The following PYGO1 variants were observed in gnomAD, a reference collection of about 807,000 sequenced individuals.
PYGO1 encodes pygopus homolog 1.
Under a neutral mutation model 29.5 loss-of-function variants are expected in PYGO1, and 6 were observed. The ratio of observed to expected loss-of-function variants is 0.20; its 90% CI spans 0.11 to 0.40. The LOEUF (loss-of-function observed/expected upper bound fraction) is 0.40. PYGO1 is among the 10% of genes least tolerant of loss of function. The probability of loss-of-function intolerance (pLI) is 1.00; values close to 1 mark genes in which losing one functional copy is unlikely to be tolerated. For missense variants in PYGO1, 515 were observed against 514.9 expected (o/e 1.00, Z 0.00); for synonymous variants, 186 against 180.5 (o/e 1.03, Z -0.24).
chr15:55,569,578 T>C (rs190780973), intron 1 of PYGO1, among the ~76,000 whole-genome samples: 1 of 152,236 alleles, frequency 6.6e-6, no homozygotes, highest in East Asian at 1.9e-4. Flanking sequence ...CAAGAGCAAG[T>C]TGTTTAACTT....
rs1052905917 is a variant in PYGO1, at chr15:55,546,271, C to T, written c.1012G>A (p.Asp338Asn). The change falls in exon 3 of 3, where the codon GAC becomes AAC. Residue 338 changes from aspartate to asparagine, a missense_variant. Asp to Asn is a conservative substitution (Grantham distance 23). Transcript: ENST00000563719. ...HPNRHGHSSS[D>N]PVYPCGICTN... ...CAAATTCCACAAGGATACACTGGGT[C>T]AGAAGACGAATGGCCATGACGGTTT... 1 of 1,614,068 alleles carries T rather than the reference C, an allele frequency of 6.2e-7. No homozygotes were observed. Among genetic ancestry groups the T allele is most frequent in the Non-Finnish European group, 8.5e-7 (1 of 1,180,044 alleles).
chr15:55,565,120 G>C (rs139140642), intron 1 of PYGO1, among the ~76,000 whole-genome samples: 1 of 152,088 alleles, frequency 6.6e-6, no homozygotes, highest in Non-Finnish European at 1.5e-5. Flanking sequence ...GTTCAGGTCC[G>C]CCCAGTTAAT....
intron 1 of PYGO1, among the ~76,000 whole-genome samples, chr15:55,552,756 GCA>G (rs1261144618): frequency 6.6e-6 from 1 of 152,112 alleles, no homozygotes. Context: ...AGCCACTCAG[GCA>G]CACACAGAGA....
chr15:55,562,327 C>T (rs1275278621), intron 1 of PYGO1, among the ~76,000 whole-genome samples: 1 of 152,152 alleles, frequency 6.6e-6, no homozygotes, highest in Non-Finnish European at 1.5e-5. Flanking sequence ...ACCCAGCAAT[C>T]CCTTTCCTGG....
At chr15:55,555,927 A>G (rs2058902841) in intron 1 of PYGO1, among the ~76,000 whole-genome samples, 1 of 152,128 alleles carries the variant, frequency 6.6e-6, no homozygotes, top group Admixed American at 6.6e-5. Flanking sequence ...ACGTAACGGT[A>G]AAAAGTTCAA....
At chr15:55,549,078 C>A in intron 1 of PYGO1, 83 bp from the exon 2 acceptor site, 1 of 1,023,942 alleles carries the variant, frequency 9.8e-7, no homozygotes, top group South Asian at 1.8e-5. Context: ...ATTATATTTA[C>A]CTGTTAATGT....
intron 1 of PYGO1, among the ~76,000 whole-genome samples, chr15:55,555,822 A>T (rs2036954846): frequency 6.6e-6 from 1 of 152,180 alleles, no homozygotes. Flanking sequence ...TCAAAATAAA[A>T]GGAGGGAGGA....
intron 1 of PYGO1, among the ~76,000 whole-genome samples, chr15:55,574,566 C>T (rs1271613573): frequency 6.6e-6 from 1 of 151,904 alleles, no homozygotes; most frequent in African/African-American, 2.4e-5. Context: ...CTATAGGGTT[C>T]ATCTGTTGAG....
Position 55,545,944 on chromosome 15 carries a change from A to G in PYGO1, c.*79T>C. ...TTTTGTGTATGCATTTAAAAAAATA[A>G]TGTAAAACATTAAAATCCTGTGTCA... On this transcript the variant is annotated 3_prime_UTR_variant, in exon 3 of 3. Transcript: ENST00000563719. 3 of 1,409,256 alleles carry G rather than the reference A, an allele frequency of 2.1e-6. No homozygotes were observed. The highest frequency in any genetic ancestry group is 1.4e-5 in the African/African-American group (1 of 69,430). 87.3% of individuals were successfully genotyped at this position (1,409,256 alleles called of 1,614,324 possible). A position where few individuals can be genotyped will look rare whatever the true frequency, so the allele number is the denominator to read the frequency against.
Position 55,588,125 on chromosome 15 carries a change from C to T in PYGO1, c.-242G>A, listed in dbSNP as rs2059057697. ...ACCGGCGGGGCTCAGCGGCGGTGGC[C>T]GGGAGCGCGGCCTGGGGGCGGCCCC... is the stretch of plus-strand genomic sequence containing the variant. On this transcript the variant is annotated 5_prime_UTR_variant, in exon 1 of 3. Coordinates refer to ENST00000563719, the MANE Select transcript of PYGO1 (RefSeq NM_001367806.1). 1.5e-5 allele frequency: 12 copies of T among 797,346 alleles called. No homozygotes were observed. Among genetic ancestry groups the T allele is most frequent in the Non-Finnish European group, 1.8e-5 (12 of 660,862 alleles). The allele number at this position is 797,346 out of a possible 1,614,324, so 49.4% of individuals were successfully genotyped here.
intron 1 of PYGO1, among the ~76,000 whole-genome samples, chr15:55,571,004 T>C (rs922466222): frequency 1.3e-5 from 2 of 152,284 alleles, no homozygotes; most frequent in Non-Finnish European, 1.5e-5. Context: ...ACTATATCCA[T>C]CAAGCAACAA....
At chr15:55,588,484 G>A (rs1439960741), upstream of PYGO1, among the ~76,000 whole-genome samples, 2 of 146,778 alleles carry the variant, frequency 1.4e-5, no homozygotes, top group Non-Finnish European at 3.0e-5. Flanking sequence ...CCGCTGCCTC[G>A]TCCCGCGGCG....
At chr15:55,572,763 C>T (rs1185866674) in intron 1 of PYGO1, among the ~76,000 whole-genome samples, 1 of 151,886 alleles carries the variant, frequency 6.6e-6, no homozygotes, top group Non-Finnish European at 1.5e-5. Context: ...ATAAAAATGG[C>T]CAACAGGTAC....
At chr15:55,585,404 A>G (rs2059042417) in intron 1 of PYGO1, among the ~76,000 whole-genome samples, 1 of 152,206 alleles carries the variant, frequency 6.6e-6, no homozygotes, top group African/African-American at 2.4e-5. Flanking sequence ...GATGATATAA[A>G]TTACATTAAA....
intron 1 of PYGO1, among the ~76,000 whole-genome samples, chr15:55,585,257 G>T (rs2059041754): frequency 6.6e-6 from 1 of 152,112 alleles, no homozygotes; most frequent in Non-Finnish European, 1.5e-5. Context: ...GGTATTTGGT[G>T]ACTCTTTTAA....
At chr15:55,553,049 G>A (rs963039702) in intron 1 of PYGO1, among the ~76,000 whole-genome samples, 1 of 152,188 alleles carries the variant, frequency 6.6e-6, no homozygotes, top group Non-Finnish European at 1.5e-5. Flanking sequence ...AGCTGTTCTA[G>A]CCTGCTGGCA....
At chr15:55,587,639 C>A (rs946542165) in intron 1 of PYGO1, among the ~76,000 whole-genome samples, 196 bp downstream of exon 1, 7 of 151,804 alleles carry the variant, frequency 4.6e-5, no homozygotes, top group Non-Finnish European at 1.0e-4. Context: ...GCGAGGGATC[C>A]GCGCGGATGT....
intron 1 of PYGO1, among the ~76,000 whole-genome samples, chr15:55,565,703 G>C (rs1250154814): frequency 6.6e-6 from 1 of 151,974 alleles, no homozygotes; most frequent in African/African-American, 2.4e-5. Context: ...GACAGAGTGA[G>C]ACTCCGTCTC....
intron 1 of PYGO1, among the ~76,000 whole-genome samples, chr15:55,567,985 C>T (rs1583689): frequency 0.38 from 57,765 of 151,988 alleles, 14,032 homozygotes; most frequent in Non-Finnish European, 0.55. Flanking sequence ...GATACTGCTG[C>T]CTTATATTTG....
Sources: gnomAD v4.1 joint callset for allele counts (sites outside exome capture counted in the v4.1 genomes callset) on GRCh38, gnomAD v4.1.1 for gene constraint, MANE v1.5 for transcripts, NCBI Gene and HGNC (gene_info 2026-07-23, HGNC 2026-07-21) for gene names.